SEMA6D: variants seen among roughly 807,000 people sequenced by gnomAD.
The protein encoded by SEMA6D is semaphorin-6D.
A neutral mutation model predicts 106.6 loss-of-function variants in SEMA6D; 35 were observed. The observed-to-expected ratio is 0.33, with a 90% CI of 0.25 to 0.44. SEMA6D has a LOEUF of 0.44. SEMA6D is among the 20% of genes least tolerant of loss of function. The probability of loss-of-function intolerance (pLI) is 1.00; values close to 1 mark genes in which losing one functional copy is unlikely to be tolerated. For missense variants in SEMA6D, 1,185 were observed against 1,345.9 expected (o/e 0.88, Z 1.87); for synonymous variants, 499 against 487.7 (o/e 1.02, Z -0.31).
intron 3 of SEMA6D, among the ~76,000 whole-genome samples, chr15:47,503,623 T>C (rs2043931808): frequency 6.6e-6 from 1 of 152,028 alleles, no homozygotes; most frequent in African/African-American, 2.4e-5. Flanking sequence ...TAATGTCACT[T>C]TTGGGGGAAA....
At chr15:47,532,328 C>T (rs2044998374) in intron 3 of SEMA6D, among the ~76,000 whole-genome samples, 1 of 152,184 alleles carries the variant, frequency 6.6e-6, no homozygotes, top group African/African-American at 2.4e-5. Context: ...AGTAAAATCT[C>T]CTAAAATCTA....
At chr15:47,362,849 A>G (rs2038865752) in intron 1 of SEMA6D, among the ~76,000 whole-genome samples, 1 of 152,128 alleles carries the variant, frequency 6.6e-6, no homozygotes, top group Non-Finnish European at 1.5e-5. Flanking sequence ...CGAATTATAG[A>G]GAGTGTGAGC....
chr15:47,362,452 G>A (rs925481953), intron 1 of SEMA6D, among the ~76,000 whole-genome samples: 6 of 152,060 alleles, frequency 3.9e-5, no homozygotes, highest in African/African-American at 7.2e-5. Context: ...GAGGTGCCCC[G>A]GGTTCTCCGT....
intron 3 of SEMA6D, among the ~76,000 whole-genome samples, chr15:47,472,462 AG>A (rs1459463773): frequency 6.6e-6 from 1 of 152,214 alleles, no homozygotes. Context: ...AGATATTAAA[AG>A]GGAATTCAAA....
intron 1 of SEMA6D, among the ~76,000 whole-genome samples, chr15:47,188,669 A>T (rs1210149398): frequency 6.6e-6 from 1 of 152,142 alleles, no homozygotes; most frequent in Non-Finnish European, 1.5e-5. Context: ...TATTCTACTT[A>T]TGTATACAAT....
At chr15:47,267,574 G>T (rs534928325) in intron 1 of SEMA6D, among the ~76,000 whole-genome samples, 1 of 152,030 alleles carries the variant, frequency 6.6e-6, no homozygotes, top group African/African-American at 2.4e-5. Context: ...TGAATTATCT[G>T]TATTCTTTGT....
At chr15:47,347,151 G>C (rs180723607) in intron 1 of SEMA6D, among the ~76,000 whole-genome samples, 1 of 151,982 alleles carries the variant, frequency 6.6e-6, no homozygotes, top group African/African-American at 2.4e-5. Flanking sequence ...CAGGAGATCC[G>C]CCCGCCTCAG....
At chr15:47,707,643 T>C (rs1266983472) in intron 4 of SEMA6D, among the ~76,000 whole-genome samples, 6 of 152,194 alleles carry the variant, frequency 3.9e-5, no homozygotes, top group Admixed American at 6.5e-5. Flanking sequence ...CTTCAGAAGG[T>C]AGATAGGCTA....
chr15:47,488,520 A>G (rs906576132), intron 3 of SEMA6D, among the ~76,000 whole-genome samples: 2 of 152,094 alleles, frequency 1.3e-5, no homozygotes, highest in Non-Finnish European at 2.9e-5. Context: ...AGTATGTACT[A>G]TGAGATATTT....
intron 1 of SEMA6D, among the ~76,000 whole-genome samples, chr15:47,209,629 T>G (rs946027762): frequency 3.3e-5 from 5 of 152,216 alleles, no homozygotes; most frequent in African/African-American, 1.2e-4. Context: ...TTCTGAATAT[T>G]TCATTTAAGA....
intron 1 of SEMA6D, among the ~76,000 whole-genome samples, chr15:47,282,077 A>G (rs1338946247): frequency 6.6e-6 from 1 of 152,174 alleles, no homozygotes; most frequent in Non-Finnish European, 1.5e-5. Context: ...TGTGATAATA[A>G]TGTGCTTAGT....
At chr15:47,377,844 C>T (rs2039502586) in intron 1 of SEMA6D, among the ~76,000 whole-genome samples, 1 of 152,174 alleles carries the variant, frequency 6.6e-6, no homozygotes, top group African/African-American at 2.4e-5. Flanking sequence ...ACTACTTCTG[C>T]ATTTCCTTTT....
intron 3 of SEMA6D, among the ~76,000 whole-genome samples, chr15:47,483,394 G>A (rs1007692101): frequency 1.6e-4 from 24 of 152,080 alleles, no homozygotes; most frequent in African/African-American, 4.3e-4. Context: ...TGGTTGATGA[G>A]GACAGAACAT....
chr15:47,249,707 A>G (rs1000159248), intron 1 of SEMA6D, among the ~76,000 whole-genome samples: 3 of 152,212 alleles, frequency 2.0e-5, no homozygotes, highest in Non-Finnish European at 4.4e-5. Context: ...GTGGTGGCTA[A>G]TCTTGAGAAA....
intron 2 of SEMA6D, among the ~76,000 whole-genome samples, chr15:47,462,444 C>T (rs2042542946): frequency 6.6e-6 from 1 of 152,084 alleles, no homozygotes; most frequent in South Asian, 2.1e-4. Flanking sequence ...CCTCTCTCTT[C>T]TCAGACGGGA....
chr15:47,620,346 C>T (rs1457820396), intron 4 of SEMA6D, among the ~76,000 whole-genome samples: 1 of 152,214 alleles, frequency 6.6e-6, no homozygotes, highest in Non-Finnish European at 1.5e-5. Context: ...GCCCAGGCTC[C>T]TCACACCCTC....
intron 2 of SEMA6D, among the ~76,000 whole-genome samples, chr15:47,424,243 A>G (rs1056113749): frequency 1.3e-5 from 2 of 152,070 alleles, no homozygotes; most frequent in Non-Finnish European, 2.9e-5. Flanking sequence ...CAATACCTCT[A>G]ATTCCTGCTG....
intron 1 of SEMA6D, among the ~76,000 whole-genome samples, chr15:47,265,139 A>T (rs536607386): frequency 1.2e-4 from 18 of 152,128 alleles, no homozygotes; most frequent in African/African-American, 4.1e-4. Context: ...GTTAGCTGGG[A>T]TGTGTTCTCT....
chr15:47,640,911 C>T (rs988363805), intron 4 of SEMA6D, among the ~76,000 whole-genome samples: 3 of 151,596 alleles, frequency 2.0e-5, no homozygotes, highest in African/African-American at 7.3e-5. Context: ...AATAATATTA[C>T]ACACCTACAC....
Sources: gnomAD v4.1 joint callset for allele counts (sites outside exome capture counted in the v4.1 genomes callset) on GRCh38, gnomAD v4.1.1 for gene constraint, MANE v1.5 for transcripts, NCBI Gene and HGNC (gene_info 2026-07-23, HGNC 2026-07-21) for gene names.